The following NUTM2A variants were observed in gnomAD, a reference collection of about 807,000 sequenced individuals.
NUTM2A encodes family with sequence similarity 22, member A.
In NUTM2A, 3 loss-of-function variants were observed where a neutral mutation model predicts 24.4. The observed-to-expected ratio is 0.12, with a 90% CI of 0.06 to 0.32. The LOEUF is 0.32. NUTM2A is among the 10% of genes least tolerant of loss of function. The pLI, the probability that NUTM2A is intolerant of heterozygous loss-of-function variation, is 1.00. For synonymous variants in NUTM2A, 11 were observed against 278.4 expected (o/e 0.04, Z 9.56); for missense variants, 39 against 631.1 (o/e 0.06, Z 10.05).
Position 87,234,646 on chromosome 10 carries a change from CAA to C in NUTM2A, c.2578_2579del (p.Lys860GlufsTer4). 3 of 1,448,748 alleles carry C rather than the reference CAA, an allele frequency of 2.1e-6. No individual in the cohort carries two copies. Among genetic ancestry groups the C allele is most frequent in the Non-Finnish European group, 2.8e-6 (3 of 1,062,110 alleles). 89.7% of individuals were successfully genotyped at this position (1,448,748 alleles called of 1,614,324 possible). ...GGGGCTGGGTGGCCCCTCACAGTCT[CAA>C]AAGAGAAAGGGTGACCCCTTGGTCT... ...TWGLGGPSQSQKRKGDPLVSR... is the reference protein window; with the variant it reads ...TWGLGGPSQSXKRKGDPLVSR... On this transcript the variant is annotated frameshift_variant, in exon 7 of 7. Coordinates refer to ENST00000381707, the MANE Select transcript of NUTM2A (RefSeq NM_001099338.2). LOFTEE classifies it low-confidence loss of function (END_TRUNC).
At chr10:87,229,165 G>A (rs558791852) in intron 2 of NUTM2A, among the ~76,000 whole-genome samples, 46 of 152,284 alleles carry the variant, frequency 3.0e-4, no homozygotes, top group African/African-American at 1.0e-3. Context: ...TCAACTGCCC[G>A]TCACTGTCCC....
At chr10:87,229,647 C>T (rs1394632617) in intron 2 of NUTM2A, among the ~76,000 whole-genome samples, 1 of 152,176 alleles carries the variant, frequency 6.6e-6, no homozygotes, top group African/African-American at 2.4e-5. Context: ...TGATTACTGT[C>T]CCCATTACTA....
Position 87,228,420 on chromosome 10 carries a change from C to T in NUTM2A, c.540C>T (p.Thr180=). Residue 180 remains threonine, a synonymous_variant, in exon 2 of 7, where the codon ACC becomes ACT. Coordinates refer to ENST00000381707, the MANE Select transcript of NUTM2A (RefSeq NM_001099338.2). ...APPGGPLVLS[T]LPSTPLVTEQ... ...CAGGCGGCCCTCTGGTGCTGTCTACCCTCCCCAGCACACCTCTGGTGACAG... is the reference window on the plus strand; with the variant it reads ...CAGGCGGCCCTCTGGTGCTGTCTACTCTCCCCAGCACACCTCTGGTGACAG... The T allele has an allele frequency of 6.2e-7, 1 of 1,611,832 alleles. No individual in the cohort carries two copies. The highest frequency in any genetic ancestry group is 1.1e-5 in the South Asian group (1 of 90,918).
At chr10:87,229,215 CAAT>C (rs1384014077) in intron 2 of NUTM2A, among the ~76,000 whole-genome samples, 2 of 152,202 alleles carry the variant, frequency 1.3e-5, no homozygotes, top group African/African-American at 4.8e-5. Flanking sequence ...ATTTTCACAA[CAAT>C]GTTTACAGAA....
At chr10:87,229,314 TAA>T (rs1232079046) in intron 2 of NUTM2A, among the ~76,000 whole-genome samples, 2 of 152,226 alleles carry the variant, frequency 1.3e-5, no homozygotes, top group African/African-American at 4.8e-5. Context: ...GCCTCCCCTT[TAA>T]CCCAGTATTG....
intron 2 of NUTM2A, among the ~76,000 whole-genome samples, chr10:87,229,191 C>A (rs1849353615): frequency 6.6e-6 from 1 of 152,180 alleles, no homozygotes; most frequent in Non-Finnish European, 1.5e-5. Flanking sequence ...TCCAGCCAAT[C>A]CTTACTTTCA....
chr10:87,234,866 TGGGGA>T lies in NUTM2A; in HGVS notation c.*162_*166del. 1.1e-6 allele frequency: 1 copy of T among 946,956 alleles called. No individual in the cohort carries two copies. The highest frequency in any genetic ancestry group is 2.1e-5 in the South Asian group (1 of 48,020). The allele number at this position is 946,956 out of a possible 1,614,324, so 58.7% of individuals were successfully genotyped here. On this transcript the variant is annotated 3_prime_UTR_variant, in exon 7 of 7. Transcript: ENST00000381707. ...GGAGGGGAGGGAGAGGGTGGCTGAA[TGGGGA>T]GGGCAGGAAGGGAGGGTCTGGGGGG...
chr10:87,229,627 A>G (rs1849361105), intron 2 of NUTM2A, among the ~76,000 whole-genome samples: 1 of 152,208 alleles, frequency 6.6e-6, no homozygotes, highest in African/African-American at 2.4e-5. Context: ...ACATTACATG[A>G]CAGCAGTTAT....
In NUTM2A at chr10:87,228,322, A is replaced by G; in HGVS notation, c.442A>G (p.Thr148Ala). Residue 148 changes from threonine (T) to alanine (A), a missense_variant, in exon 2 of 7, where the codon ACG becomes GCG. Physicochemically the swap from Thr to Ala is moderately conservative, Grantham distance 58 (BLOSUM62 0). Transcript: ENST00000381707. ...CCCTGGCACCTCCCTGTCTGTGTTC[A>G]CGGCTCTGCCCTTCACCACACCCGC... ...ANPGTSLSVF[T>A]ALPFTTPAPG... 1 of 1,609,832 alleles carries G rather than the reference A, an allele frequency of 6.2e-7. No homozygotes were observed.
intron 2 of NUTM2A, among the ~76,000 whole-genome samples, chr10:87,229,598 G>A (rs1301900733): frequency 1.3e-5 from 2 of 152,210 alleles, no homozygotes; most frequent in Non-Finnish European, 2.9e-5. Flanking sequence ...ATAGCACAGT[G>A]CCTGGCACAT....
chr10:87,229,093 A>C (rs1218319432), intron 2 of NUTM2A, 131 bp downstream of exon 2: 1 of 1,535,162 alleles, frequency 6.5e-7, no homozygotes, highest in African/African-American at 1.4e-5. Flanking sequence ...CACTATGGGA[A>C]GGTATATTTT....
intron 2 of NUTM2A, among the ~76,000 whole-genome samples, 198 bp downstream of exon 2, chr10:87,229,160 T>C (rs1764050201): frequency 1.3e-5 from 2 of 152,192 alleles, no homozygotes; most frequent in African/African-American, 4.8e-5. Flanking sequence ...TCATCTCAAC[T>C]GCCCGTCACT....
At position 87,234,977 on chromosome 10, in the gene NUTM2A, A is replaced by T. The variant is rs1478183173; in HGVS notation, c.*269A>T. The T allele has an allele frequency of 1.3e-6, 2 of 1,506,122 alleles. 1 individual carries two copies. Among genetic ancestry groups the T allele is most frequent in the African/African-American group, 2.9e-5 (2 of 68,652 alleles). 93.3% of individuals were successfully genotyped at this position (1,506,122 alleles called of 1,614,324 possible). A position where few individuals can be genotyped will look rare whatever the true frequency, so the allele number is the denominator to read the frequency against. On this transcript the variant is annotated 3_prime_UTR_variant, in exon 7 of 7. Coordinates refer to ENST00000381707, the MANE Select transcript of NUTM2A (RefSeq NM_001099338.2). The stretch of plus-strand genomic sequence containing the variant: ...GTGAATAAATGTAGTTGTCTTGGAA[A>T]ATGCTCTTGGGGCTGCTGCCTCTGT...
At chr10:87,229,131 G>A (rs1400352827) in intron 2 of NUTM2A, among the ~76,000 whole-genome samples, 169 bp downstream of exon 2, 3 of 152,326 alleles carry the variant, frequency 2.0e-5, no homozygotes, top group East Asian at 3.9e-4. Context: ...CTGCGGCTCA[G>A]GACAGACTGT....
intron 2 of NUTM2A, among the ~76,000 whole-genome samples, chr10:87,229,295 C>G (rs1448923679): frequency 1.3e-5 from 2 of 152,222 alleles, no homozygotes; most frequent in African/African-American, 2.4e-5. Flanking sequence ...TTTGAGTACA[C>G]GCCCCAGTGC....
Position 87,234,941 on chromosome 10 carries a change from C to G in NUTM2A, c.*233C>G, listed in dbSNP as rs1235747289. 1 of 1,448,098 alleles carries G rather than the reference C, an allele frequency of 6.9e-7. No individual in the cohort carries two copies. The highest frequency in any genetic ancestry group is 9.1e-7 in the Non-Finnish European group (1 of 1,095,004). 89.7% of individuals were successfully genotyped at this position (1,448,098 alleles called of 1,614,324 possible). ...GTGGGAAGCAGTGCGTTGGGGGCCT[C>G]GTGTGTAAGTGTGAATAAATGTAGT... On this transcript the variant is annotated 3_prime_UTR_variant, in exon 7 of 7. Transcript: ENST00000381707.
At position 87,228,841 on chromosome 10, in the gene NUTM2A, G is replaced by C. The variant is rs755956323; in HGVS notation, c.961G>C (p.Asp321His). The C allele has an allele frequency of 1.6e-6, 2 of 1,246,652 alleles. No homozygotes were observed. The highest frequency in any genetic ancestry group is 4.5e-5 in the East Asian group (2 of 44,064). 77.2% of individuals were successfully genotyped at this position (1,246,652 alleles called of 1,614,324 possible). Residue 321 changes from aspartate (D) to histidine (H), a missense_variant, in exon 2 of 7, where the codon GAT (aspartate) becomes CAT (histidine). Transcript: ENST00000381707. ...LASSQAKAPPDDSCNPRSVYE... is the reference protein window; with the variant it reads ...LASSQAKAPPHDSCNPRSVYE... ...TTCCTCCCAGGCCAAGGCCCCGCCA[G>C]ATGACTCCTGTAACCCCAGGAGTGT...
intron 2 of NUTM2A, among the ~76,000 whole-genome samples, chr10:87,229,431 G>A (rs1166113464): frequency 6.6e-6 from 1 of 152,248 alleles, no homozygotes; most frequent in Non-Finnish European, 1.5e-5. Context: ...GCACAGCGGT[G>A]GTGGAGCCTG....
At position 87,234,467 on chromosome 10, in the gene NUTM2A, AG is replaced by A. The variant is rs1368337413; in HGVS notation, c.2397del (p.Gln799HisfsTer12). Reference protein sequence around the residue: ...PEKWGPQGTHQFPSAERRGLN... With the variant: ...PEKWGPQGTHXFPSAERRGLN... ...AAGTGGGGACCCCAGGGAACTCATCAGTTCCCATCTGCTGAGAGAAGAGGCC... is the reference window on the plus strand; with the variant it reads ...AAGTGGGGACCCCAGGGAACTCATCATTCCCATCTGCTGAGAGAAGAGGCC... On this transcript the variant is annotated frameshift_variant, in exon 7 of 7. Coordinates refer to ENST00000381707, the MANE Select transcript of NUTM2A (RefSeq NM_001099338.2). LOFTEE classifies it low-confidence loss of function (END_TRUNC). The A allele has an allele frequency of 6.2e-7, 1 of 1,604,398 alleles. No individual in the cohort carries two copies. Among genetic ancestry groups the A allele is most frequent in the African/African-American group, 1.3e-5 (1 of 74,540 alleles).
Sources: gnomAD v4.1 joint callset for allele counts (sites outside exome capture counted in the v4.1 genomes callset) on GRCh38, gnomAD v4.1.1 for gene constraint, MANE v1.5 for transcripts, NCBI Gene and HGNC (gene_info 2026-07-23, HGNC 2026-07-21) for gene names.